The following CHD7 variants were observed in gnomAD, a reference collection of about 807,000 sequenced individuals.
The protein encoded by CHD7 is chromodomain helicase DNA binding protein 7, also known as ATP-dependent chromatin remodeler CHD7.
In CHD7, 24 loss-of-function variants were observed where a neutral mutation model predicts 307.3. The ratio of observed to expected loss-of-function variants is 0.08; its 90% confidence interval spans 0.06 to 0.11. The LOEUF (loss-of-function observed/expected upper bound fraction) is 0.11. Ranked by LOEUF, CHD7 falls within the 10% of genes least tolerant of loss-of-function variation. The pLI, the probability that CHD7 is intolerant of heterozygous loss-of-function variation, is 1.00. For synonymous variants in CHD7, 1,363 were observed against 1,349.9 expected, an observed-to-expected ratio of 1.01 and a Z score of -0.21; for missense variants, 3,106 against 3,727.1, an observed-to-expected ratio of 0.83 and a Z score of 4.34.
rs747665912 is a variant in CHD7, at chr8:60,865,213, TCAGAATCTC to T, written c.8287_8295del (p.Asn2763_Gln2765del). ...TTGCTGGAATGGACCTGACGAGCCT[TCAGAATCTC>T]CAGAATCTCCAGTCGCTCCAGCTGG... On this transcript the variant is annotated inframe_deletion, in exon 38 of 38. Transcript: ENST00000423902. This position sits in a 1 kb window ranked among gnomAD's most constrained non-coding sequence, Gnocchi z 4.3. 2 of 1,610,680 alleles carry T rather than the reference TCAGAATCTC, an allele frequency of 1.2e-6. No homozygotes were observed. Among genetic ancestry groups the T allele is most frequent in the Non-Finnish European group, 8.5e-7 (1 of 1,178,482 alleles).
At chr8:60,849,786 C>A (rs753495202) in intron 25 of CHD7, among the ~76,000 whole-genome samples, 21 of 152,180 alleles carry the variant, frequency 1.4e-4, no homozygotes, top group Non-Finnish European at 2.6e-4. Context: ...GTTTGGCTTG[C>A]GGCTCTACAG....
At chr8:60,717,750 GTCA>G (rs1218273372) in intron 1 of CHD7, among the ~76,000 whole-genome samples, 1 of 152,040 alleles carries the variant, frequency 6.6e-6, no homozygotes, top group African/African-American at 2.4e-5. Flanking sequence ...GACAATTGTA[GTCA>G]TCATAATGTA....
At chr8:60,747,472 G>C (rs1024082654) in intron 2 of CHD7, among the ~76,000 whole-genome samples, 1 of 152,118 alleles carries the variant, frequency 6.6e-6, no homozygotes, top group Non-Finnish European at 1.5e-5. Context: ...TTAAATGAAA[G>C]ATAACTTTTT....
At chr8:60,690,874 T>G (rs775138173) in intron 1 of CHD7, among the ~76,000 whole-genome samples, 55 of 152,364 alleles carry the variant, frequency 3.6e-4, no homozygotes, top group Non-Finnish European at 7.2e-4. Flanking sequence ...CCTGTCATTT[T>G]CTGCAGCTCA....
Position 60,865,116 on chromosome 8 carries a change from C to A in CHD7, c.8177C>A (p.Ala2726Asp). Residue 2726 changes from alanine (A) to aspartate (D), a missense_variant, in exon 38 of 38, where the codon GCC (alanine) becomes GAC (aspartate). By Grantham distance (126) the Ala-to-Asp change is moderately radical (BLOSUM62 -2). Around this residue, in one of 10 missense-constraint regions of CHD7, gnomAD observed 351 missense variants for 366.2 expected, o/e 0.96. Transcript: ENST00000423902. The surrounding 1 kb of genome is among the most constrained non-coding windows in gnomAD (Gnocchi z 4.3). ...GGAAGAAGGCCCAAAAGTGAGATCG[C>A]CAGAGCAGCCGCGGCCGCCGCTGCT... Reference protein sequence around the residue: ...RRGRRPKSEIARAAAAAAAVA... With the variant: ...RRGRRPKSEIDRAAAAAAAVA... 6.2e-7 allele frequency: 1 copy of A among 1,610,924 alleles called. No individual in the cohort carries two copies. Among genetic ancestry groups the A allele is most frequent in the Non-Finnish European group, 8.5e-7 (1 of 1,178,668 alleles).
intron 33 of CHD7, 60 bp from the exon 34 acceptor site, chr8:60,856,385 C>T: frequency 3.4e-6 from 5 of 1,456,064 alleles, no homozygotes; most frequent in Non-Finnish European, 4.6e-6. Flanking sequence ...TAAAAGCCAG[C>T]CCATATAGCA....
chr8:60,790,580 G>A (rs905178449), intron 3 of CHD7, among the ~76,000 whole-genome samples: 1 of 152,172 alleles, frequency 6.6e-6, no homozygotes, highest in African/African-American at 2.4e-5. Flanking sequence ...AATATTTAGA[G>A]TAGTGCCTGG....
Position 60,856,450 on chromosome 8 carries a change from T to G in CHD7, c.7170T>G (p.Asp2390Glu), listed in dbSNP as rs199966549. 8.1e-6 allele frequency: 13 copies of G among 1,607,836 alleles called. No homozygotes were observed. The East Asian group carries it at 2.0e-4, about 25-fold the overall frequency. ...CTGTTGGAATTTTTCAATAGGAAGA[T>G]GCCCTCAACCTCTCTGTCCCTCGCC... is the stretch of plus-strand genomic sequence containing the variant. ...ITTSPQLSKEDALNLSVPRQR... is the reference protein window; with the variant it reads ...ITTSPQLSKEEALNLSVPRQR... Residue 2390 changes from aspartate to glutamate, a missense_variant, in exon 34 of 38, where the codon GAT (aspartate) becomes GAG (glutamate). By Grantham distance (45) the Asp-to-Glu change is conservative. Coordinates refer to ENST00000423902, the MANE Select transcript of CHD7 (RefSeq NM_017780.4).
At chr8:60,714,942 G>A (rs1157448979) in intron 1 of CHD7, among the ~76,000 whole-genome samples, 1 of 152,246 alleles carries the variant, frequency 6.6e-6, no homozygotes, top group Admixed American at 6.5e-5. Flanking sequence ...TGAGGGCGCA[G>A]GCGCCATAGT....
In CHD7 at chr8:60,808,284, G is replaced by A; in HGVS notation, c.2498+12G>A. ...AAATACAAAAACTTGTAAGTAAATT[G>A]TGATTCTGTTTTTAATGGGGGGCTA... On this transcript the variant is annotated intron_variant, in intron 7 of 37. Coordinates refer to ENST00000423902, the MANE Select transcript of CHD7 (RefSeq NM_017780.4). 1 of 1,490,348 alleles carries A rather than the reference G, an allele frequency of 6.7e-7. No homozygotes were observed. Among genetic ancestry groups the A allele is most frequent in the Non-Finnish European group, 9.3e-7 (1 of 1,079,436 alleles). The allele number at this position is 1,490,348 out of a possible 1,614,324, so 92.3% of individuals were successfully genotyped here.
Position 60,741,335 on chromosome 8 carries a change from A to C in CHD7, c.-98A>C, listed in dbSNP as rs1281549344. On this transcript the variant is annotated 5_prime_UTR_variant, in exon 2 of 38. Coordinates refer to ENST00000423902, the MANE Select transcript of CHD7 (RefSeq NM_017780.4). ...AATATGGAATGACATGAAGAAGATTAGTTAAGGATTATAGGCTTTGAGGGC... is the reference window on the plus strand; with the variant it reads ...AATATGGAATGACATGAAGAAGATTCGTTAAGGATTATAGGCTTTGAGGGC... 4 of 798,916 alleles carry C rather than the reference A, an allele frequency of 5.0e-6. No individual in the cohort carries two copies. Among genetic ancestry groups the C allele is most frequent in the Non-Finnish European group, 6.0e-6 (3 of 500,590 alleles). The allele number at this position is 798,916 out of a possible 1,614,324, so 49.5% of individuals were successfully genotyped here. A position where few individuals can be genotyped will look rare whatever the true frequency, so the allele number is the denominator to read the frequency against.
chr8:60,780,929 A>G, intron 2 of CHD7, 71 bp from the exon 3 acceptor site: 4 of 1,414,342 alleles, frequency 2.8e-6, no homozygotes, highest in African/African-American at 1.4e-5. Context: ...AACATCAGCC[A>G]CTAACTTTCA....
At chr8:60,862,126 C>G (rs1159779176) in intron 35 of CHD7, 70 bp from the exon 36 acceptor site, 16 of 1,221,146 alleles carry the variant, frequency 1.3e-5, no homozygotes, top group Non-Finnish European at 1.8e-5. Context: ...TGACAGTTCT[C>G]TTTGGCATTT....
intron 2 of CHD7, among the ~76,000 whole-genome samples, chr8:60,778,169 T>C (rs1025315719): frequency 3.3e-5 from 5 of 152,138 alleles, no homozygotes; most frequent in South Asian, 4.1e-4. Flanking sequence ...CAGGTTTTTT[T>C]CCCCACATGA....
intron 2 of CHD7, among the ~76,000 whole-genome samples, chr8:60,761,405 A>G (rs1008613077): frequency 1.3e-5 from 2 of 151,728 alleles, no homozygotes; most frequent in East Asian, 1.9e-4. Flanking sequence ...TGACAAGTTA[A>G]TGGGTGCAGC....
intron 9 of CHD7, among the ~76,000 whole-genome samples, chr8:60,821,040 C>T (rs1422462757): frequency 1.3e-5 from 2 of 152,068 alleles, no homozygotes; most frequent in African/African-American, 4.8e-5. Context: ...AATATTTTGC[C>T]CTCCACCCTT....
At chr8:60,836,385 G>T in intron 16 of CHD7, 102 bp downstream of exon 16, 1 of 889,594 alleles carries the variant, frequency 1.1e-6, no homozygotes. Flanking sequence ...AAAGGGGCTA[G>T]AATGGGGGAA....
chr8:60,809,373 C>T lies in CHD7; in HGVS notation c.2498+1101C>T, dbSNP rs545614338. 11 of 152,274 alleles carry T rather than the reference C, an allele frequency of 7.2e-5. No individual in the cohort carries two copies. In the South Asian group the frequency reaches 1.7e-3, roughly 23 times the overall value. The allele number at this position is 152,274 out of a possible 1,614,324, so 9.4% of individuals were successfully genotyped here. ...ACATGTGGAAATTATGCCTACAACA[C>T]GATTTCCTATGGTAAGGAGGAGGTA... On this transcript the variant is annotated intron_variant, in intron 7 of 37. Transcript: ENST00000423902.
In CHD7 at chr8:60,791,876, G is replaced by T. The variant is rs911866929; in HGVS notation, c.2097-3110G>T. 2.0e-5 allele frequency among the ~76,000 whole-genome samples: 3 copies of T among 152,200 alleles called. No individual in the cohort carries two copies. The East Asian group carries it at 5.8e-4, about 29-fold the overall frequency. On this transcript the variant is annotated intron_variant, in intron 3 of 37. Transcript: ENST00000423902. ...CTCTTCCTTCTATGTATGTTGCTTG[G>T]ATGAAGTCATCCTCAGTGAAGGGGG... is the stretch of plus-strand genomic sequence containing the variant.
Sources: allele counts gnomAD v4.1 joint callset (sites outside exome capture counted in the v4.1 genomes callset), GRCh38; gene constraint gnomAD v4.1.1; regional missense constraint gnomAD v4.1.1; non-coding constraint Gnocchi (gnomAD v3.1); transcripts MANE v1.5; gene names NCBI Gene and HGNC (gene_info 2026-07-23, HGNC 2026-07-21).